Variants in GNG7 observed in about 807,000 individuals in gnomAD.
GNG7 encodes G protein subunit gamma 7, also known as guanine nucleotide-binding protein G(I)/G(S)/G(O) subunit gamma-7.
In GNG7, 1 loss-of-function variant was observed where a neutral mutation model predicts 4.0. That is an observed-to-expected ratio of 0.25 (90% CI 0.09 to 1.18). The LOEUF (loss-of-function observed/expected upper bound fraction) is 1.18. GNG7 is among the 50% of genes most tolerant of loss of function. GNG7 has a pLI of 0.50. For synonymous variants in GNG7, 34 were observed against 36.9 expected (o/e 0.92, Z 0.29); for missense variants, 86 against 91.9 (o/e 0.94, Z 0.26).
chr19:2,619,967 G>A (rs996061532), intron 2 of GNG7, among the ~76,000 whole-genome samples: 2 of 151,700 alleles, frequency 1.3e-5, no homozygotes, highest in African/African-American at 4.8e-5. Context: ...GACGAGGGGG[G>A]GGCGCGGATC....
At chr19:2,688,673 G>A (rs559693521) in intron 1 of GNG7, among the ~76,000 whole-genome samples, 10 of 152,184 alleles carry the variant, frequency 6.6e-5, no homozygotes, top group South Asian at 2.1e-4. Flanking sequence ...GAGACGAGCC[G>A]GCTAAATGTC....
chr19:2,694,246 C>G (rs1391615766), intron 1 of GNG7, among the ~76,000 whole-genome samples: 1 of 146,260 alleles, frequency 6.8e-6, no homozygotes, highest in Non-Finnish European at 1.5e-5. Context: ...TGGGGGGGGG[C>G]AGGGAATAGC....
chr19:2,605,661 G>GCC (rs1485801103), intron 2 of GNG7, among the ~76,000 whole-genome samples: 561 of 151,022 alleles, frequency 3.7e-3, no homozygotes, highest in African/African-American at 0.013. Flanking sequence ...TTACAGGCAT[G>GCC]CGCCACCACA....
chr19:2,514,972 G>C lies in GNG7; in HGVS notation c.*50C>G, dbSNP rs757265426. 1.2e-5 allele frequency: 14 copies of C among 1,185,102 alleles called. No individual in the cohort carries two copies. Among genetic ancestry groups the C allele is most frequent in the South Asian group, 3.0e-5 (2 of 67,546 alleles). 73.4% of individuals were successfully genotyped at this position (1,185,102 alleles called of 1,614,324 possible). A position where few individuals can be genotyped will look rare whatever the true frequency, so the allele number is the denominator to read the frequency against. ...TGCCTGAGACAGAGACAGAGACAGA[G>C]AGAGAGAGAGAGAAAGAGAGAGAGA... On this transcript the variant is annotated 3_prime_UTR_variant, in exon 5 of 5. Coordinates refer to ENST00000382159, the MANE Select transcript of GNG7 (RefSeq NM_052847.3).
At chr19:2,680,235 C>T (rs146570435) in intron 1 of GNG7, among the ~76,000 whole-genome samples, 1 of 150,936 alleles carries the variant, frequency 6.6e-6, no homozygotes, top group African/African-American at 2.4e-5. Context: ...ACAACCTCCA[C>T]CTCCCAGGTT....
chr19:2,525,032 A>AC (rs1978348438), intron 3 of GNG7, among the ~76,000 whole-genome samples: 1 of 152,056 alleles, frequency 6.6e-6, no homozygotes, highest in African/African-American at 2.4e-5. Context: ...ACCAGCCGGC[A>AC]CTGACTCAGG....
chr19:2,554,158 T>TATATATA (rs915383968), intron 3 of GNG7, among the ~76,000 whole-genome samples: 19 of 146,304 alleles, frequency 1.3e-4, no homozygotes, highest in African/African-American at 3.3e-4. Context: ...TATAATATAT[T>TATATATA]ATATATAATA....
intron 3 of GNG7, chr19:2,538,076 C>CA (rs1555691777): frequency 5.1e-5 from 22 of 433,408 alleles, no homozygotes; most frequent in Non-Finnish European, 9.2e-5. Context: ...GACTCTCTCT[C>CA]AAACAAAACA....
At chr19:2,694,388 G>A (rs181859028) in intron 1 of GNG7, among the ~76,000 whole-genome samples, 164 of 151,854 alleles carry the variant, frequency 1.1e-3, no homozygotes, top group African/African-American at 3.7e-3. Flanking sequence ...TGGGGACATC[G>A]GTGGCTGTCA....
Position 2,547,586 on chromosome 19 carries a change from C to G in GNG7, c.-38+7563G>C, listed in dbSNP as rs182669706. On this transcript the variant is annotated intron_variant, in intron 3 of 4. Transcript: ENST00000382159. ...TTCACTCAATCCCACCTGCAGAGTC[C>G]CTTTTTCCATGTGTGGTGACACAGC... is the stretch of plus-strand genomic sequence containing the variant. 3.2e-3 allele frequency among the ~76,000 whole-genome samples: 485 copies of G among 152,262 alleles called. 12 individuals are homozygous for G. The highest frequency in any genetic ancestry group is 1.6e-3 in the Non-Finnish European group (109 of 68,004).
rs1275934255 is a variant in GNG7, at chr19:2,633,964, G to C, written c.-78+12260C>G. ...CCTGGGTGCAAAATTGCCCCGAGTT[G>C]AGACCCCCTGGGATAGGGGATTCCA... On this transcript the variant is annotated intron_variant, in intron 2 of 4. Coordinates refer to ENST00000382159, the MANE Select transcript of GNG7 (RefSeq NM_052847.3). The surrounding 1 kb of genome is among the most constrained non-coding windows in gnomAD (Gnocchi z 5.9). Among the ~76,000 whole-genome samples the C allele has an allele frequency of 2.6e-5, 4 of 152,110 alleles. No homozygotes were observed. Among genetic ancestry groups the C allele is most frequent in the Admixed American group, 2.0e-4 (3 of 15,264 alleles).
Position 2,626,961 on chromosome 19 carries a change from G to T in GNG7, c.-78+19263C>A, listed in dbSNP as rs892821399. Among the ~76,000 whole-genome samples, 4 of 151,942 alleles carry T rather than the reference G, an allele frequency of 2.6e-5. No homozygotes were observed. The highest frequency in any genetic ancestry group is 9.7e-5 in the African/African-American group (4 of 41,348). ...TTAATTATTTGGGAATAAACTGAGT[G>T]TCCTCCCTACTCACACCAGACACTG... On this transcript the variant is annotated intron_variant, in intron 2 of 4. Coordinates refer to ENST00000382159, the MANE Select transcript of GNG7 (RefSeq NM_052847.3). The surrounding 1 kb of genome is among the most constrained non-coding windows in gnomAD (Gnocchi z 5.0).
intron 3 of GNG7, among the ~76,000 whole-genome samples, chr19:2,539,319 T>C (rs1399545193): frequency 7.3e-6 from 1 of 136,250 alleles, no homozygotes; most frequent in Non-Finnish European, 1.6e-5. Context: ...TTTTTTTTTT[T>C]TTTTGGATGG....
chr19:2,659,887 G>A (rs887221758), intron 1 of GNG7, among the ~76,000 whole-genome samples: 3 of 151,972 alleles, frequency 2.0e-5, no homozygotes, highest in African/African-American at 7.2e-5. Context: ...TCCTGAATAA[G>A]CCCCAGAGAG....
At chr19:2,527,626 TAA>T in intron 3 of GNG7, among the ~76,000 whole-genome samples, 1 of 126,112 alleles carries the variant, frequency 7.9e-6, no homozygotes, top group East Asian at 2.3e-4. Flanking sequence ...CCTAAAATCC[TAA>T]AGAGACCTGA....
chr19:2,686,046 C>G (rs1026996221), intron 1 of GNG7, among the ~76,000 whole-genome samples: 1 of 152,160 alleles, frequency 6.6e-6, no homozygotes, highest in African/African-American at 2.4e-5. Context: ...TTACCAGACA[C>G]TTCATCAGAG....
At chr19:2,658,905 A>G (rs544533225) in intron 1 of GNG7, among the ~76,000 whole-genome samples, 1 of 152,178 alleles carries the variant, frequency 6.6e-6, no homozygotes, top group East Asian at 1.9e-4. Context: ...TGCTCTAAAA[A>G]TAGTCTATTA....
At chr19:2,544,396 G>A (rs951897344) in intron 3 of GNG7, among the ~76,000 whole-genome samples, 5 of 152,176 alleles carry the variant, frequency 3.3e-5, no homozygotes, top group Non-Finnish European at 7.4e-5. Flanking sequence ...CGGGAGCCAT[G>A]AGGACCTCAG....
At chr19:2,699,615 G>T (rs1192653625) in intron 1 of GNG7, among the ~76,000 whole-genome samples, 1 of 152,164 alleles carries the variant, frequency 6.6e-6, no homozygotes, top group Non-Finnish European at 1.5e-5. Context: ...AATCAGTTTT[G>T]TCTATAACAA....
Sources: gnomAD v4.1 joint callset for allele counts (sites outside exome capture counted in the v4.1 genomes callset) on GRCh38, gnomAD v4.1.1 for gene constraint, Gnocchi (gnomAD v3.1) non-coding constraint, MANE v1.5 for transcripts, NCBI Gene and HGNC (gene_info 2026-07-23, HGNC 2026-07-21) for gene names.